The following KIRREL3 variants were observed in gnomAD, a reference collection of about 807,000 sequenced individuals.
KIRREL3 encodes kin of IRRE-like protein 3.
A neutral mutation model predicts 89.7 loss-of-function variants in KIRREL3; 36 were observed. The observed-to-expected ratio is 0.40, with a 90% CI of 0.31 to 0.53. KIRREL3 has a LOEUF of 0.53. Ranked by LOEUF, KIRREL3 falls within the 20% of genes least tolerant of loss-of-function variation. The pLI is 0.49. For missense variants in KIRREL3, 864 were observed against 1,056.6 expected (o/e 0.82, Z 2.53); for synonymous variants, 445 against 441.4 (o/e 1.01, Z -0.10).
At position 126,976,780 on chromosome 11, in the gene KIRREL3, T is replaced by C. The variant is rs1591412097; in HGVS notation, c.55+23675A>G. On this transcript the variant is annotated intron_variant, in intron 1 of 16. Transcript: ENST00000525144. The surrounding 1 kb of genome is among the most constrained non-coding windows in gnomAD (Gnocchi z 4.2). Reference sequence around the variant, plus strand: ...CATACATACTCTTGATATGTCTACATCATAGAAGGGTAAAGGAGAGGGGAG... The same window carrying C: ...CATACATACTCTTGATATGTCTACACCATAGAAGGGTAAAGGAGAGGGGAG... Among the ~76,000 whole-genome samples the C allele has an allele frequency of 6.6e-6, 1 of 152,168 alleles. No individual in the cohort carries two copies. Among genetic ancestry groups the C allele is most frequent in the Non-Finnish European group, 1.5e-5 (1 of 68,036 alleles).
intron 1 of KIRREL3, among the ~76,000 whole-genome samples, chr11:126,572,676 C>T (rs1315646755): frequency 6.6e-6 from 1 of 152,108 alleles, no homozygotes; most frequent in Non-Finnish European, 1.5e-5. Flanking sequence ...CCTGGAGAGC[C>T]CCTTTCTCAG....
intron 1 of KIRREL3, among the ~76,000 whole-genome samples, chr11:126,914,779 G>T (rs578026460): frequency 6.6e-6 from 1 of 152,226 alleles, no homozygotes; most frequent in Non-Finnish European, 1.5e-5. Flanking sequence ...ATTATGCAGA[G>T]CAAGTAACAC....
chr11:126,613,497 C>A (rs989920936), intron 1 of KIRREL3, among the ~76,000 whole-genome samples: 4 of 152,124 alleles, frequency 2.6e-5, no homozygotes, highest in Non-Finnish European at 1.5e-5. Context: ...GCAATTACCT[C>A]CCCCTGCTTG....
In KIRREL3 at chr11:126,431,168, A is replaced by G. The variant is rs948063622; in HGVS notation, c.1696+251T>C. The stretch of plus-strand genomic sequence containing the variant: ...CTGAAAGAGCTATGTGTTCAATCCA[A>G]AATGCTGGCTGCCCTGCAGATGAAG... On this transcript the variant is annotated intron_variant, in intron 14 of 16. Coordinates refer to ENST00000525144, the MANE Select transcript of KIRREL3 (RefSeq NM_032531.4). The surrounding 1 kb of genome is among the most constrained non-coding windows in gnomAD (Gnocchi z 7.1). The G allele has an allele frequency of 2.4e-5, 35 of 1,449,406 alleles. No individual in the cohort carries two copies. Among genetic ancestry groups the G allele is most frequent in the Non-Finnish European group, 3.1e-5 (34 of 1,102,332 alleles). The allele number at this position is 1,449,406 out of a possible 1,614,324, so 89.8% of individuals were successfully genotyped here. A position where few individuals can be genotyped will look rare whatever the true frequency, so the allele number is the denominator to read the frequency against.
In KIRREL3 at chr11:126,677,819, G is replaced by A. The variant is rs1946266322; in HGVS notation, c.56-114907C>T. On this transcript the variant is annotated intron_variant, in intron 1 of 16. Coordinates refer to ENST00000525144, the MANE Select transcript of KIRREL3 (RefSeq NM_032531.4). The surrounding 1 kb of genome is among the most constrained non-coding windows in gnomAD (Gnocchi z 5.1). ...CCTCCCCCTTTTACTGCATCTCCAC[G>A]AGGCAGAGGAAGTGGCAGTGGCCTG... 1.3e-5 allele frequency among the ~76,000 whole-genome samples: 2 copies of A among 152,114 alleles called. No individual in the cohort carries two copies. Among genetic ancestry groups the A allele is most frequent in the African/African-American group, 2.4e-5 (1 of 41,402 alleles).
At chr11:126,737,340 C>T (rs7935669) in intron 1 of KIRREL3, among the ~76,000 whole-genome samples, 10 of 151,730 alleles carry the variant, frequency 6.6e-5, no homozygotes, top group Non-Finnish European at 1.3e-4. Context: ...AGCACAGAGA[C>T]GGCACAAGGC....
intron 1 of KIRREL3, among the ~76,000 whole-genome samples, chr11:126,702,397 T>A (rs1391556328): frequency 6.6e-6 from 1 of 152,188 alleles, no homozygotes; most frequent in Admixed American, 6.5e-5. Context: ...AAATGTCACA[T>A]CTTCATGTGG....
At position 126,570,152 on chromosome 11, in the gene KIRREL3, C is replaced by T. The variant is rs894033863; in HGVS notation, c.56-7240G>A. 6.6e-6 allele frequency among the ~76,000 whole-genome samples: 1 copy of T among 152,086 alleles called. No individual in the cohort carries two copies. ...TAAATGTTTAATTAGCCCAATAATACCTGTTTTATAATTTTTGGATCTCAT... is the reference window on the plus strand; with the variant it reads ...TAAATGTTTAATTAGCCCAATAATATCTGTTTTATAATTTTTGGATCTCAT... On this transcript the variant is annotated intron_variant, in intron 1 of 16. Coordinates refer to ENST00000525144, the MANE Select transcript of KIRREL3 (RefSeq NM_032531.4). The surrounding 1 kb of genome is among the most constrained non-coding windows in gnomAD (Gnocchi z 6.1).
At position 126,814,324 on chromosome 11, in the gene KIRREL3, A is replaced by G. The variant is rs1176361382; in HGVS notation, c.55+186131T>C. ...TTTTACACTGTTGGTGGGAGTGTAAATTAGTTCAACCATTGTGTAAATTAG... is the reference window on the plus strand; with the variant it reads ...TTTTACACTGTTGGTGGGAGTGTAAGTTAGTTCAACCATTGTGTAAATTAG... On this transcript the variant is annotated intron_variant, in intron 1 of 16. Coordinates refer to ENST00000525144, the MANE Select transcript of KIRREL3 (RefSeq NM_032531.4). The surrounding 1 kb of genome is among the most constrained non-coding windows in gnomAD (Gnocchi z 4.4). 6.6e-6 allele frequency among the ~76,000 whole-genome samples: 1 copy of G among 152,044 alleles called. No individual in the cohort carries two copies. The highest frequency in any genetic ancestry group is 2.4e-5 in the African/African-American group (1 of 41,438).
intron 1 of KIRREL3, among the ~76,000 whole-genome samples, chr11:126,617,327 G>T (rs1943393965): frequency 6.6e-6 from 1 of 152,238 alleles, no homozygotes; most frequent in African/African-American, 2.4e-5. Flanking sequence ...ACTCTGAGGG[G>T]CAGGAGGAGA....
Position 126,780,623 on chromosome 11 carries a change from C to T in KIRREL3, c.56-217711G>A, listed in dbSNP as rs1304903097. On this transcript the variant is annotated intron_variant, in intron 1 of 16. Coordinates refer to ENST00000525144, the MANE Select transcript of KIRREL3 (RefSeq NM_032531.4). This position sits in a 1 kb window ranked among gnomAD's most constrained non-coding sequence, Gnocchi z 5.3. ...TGTCCCATGCAAAGGTAAACGAGTA[C>T]CCAGAGGTGCCCAGATGCCCACATC... Among the ~76,000 whole-genome samples the T allele has an allele frequency of 6.6e-6, 1 of 152,164 alleles. No individual in the cohort carries two copies. Among genetic ancestry groups the T allele is most frequent in the Non-Finnish European group, 1.5e-5 (1 of 68,030 alleles).
Position 126,639,424 on chromosome 11 carries a change from AT to A in KIRREL3, c.56-76513del. 6.6e-6 allele frequency among the ~76,000 whole-genome samples: 1 copy of A among 152,232 alleles called. No individual in the cohort carries two copies. The highest frequency in any genetic ancestry group is 2.4e-5 in the African/African-American group (1 of 41,544). On this transcript the variant is annotated intron_variant, in intron 1 of 16. Transcript: ENST00000525144. This position sits in a 1 kb window ranked among gnomAD's most constrained non-coding sequence, Gnocchi z 4.3. ...CCTCATTTAAAAGTTGTTTGTATAT[AT>A]TTTTTAATGGAACCCAATCCCTTAA... is the stretch of plus-strand genomic sequence containing the variant.
chr11:126,674,359 A>T (rs1946092929), intron 1 of KIRREL3, among the ~76,000 whole-genome samples: 1 of 152,224 alleles, frequency 6.6e-6, no homozygotes, highest in African/African-American at 2.4e-5. Flanking sequence ...TATGTGCCAG[A>T]CCTTGTTCTC....
chr11:126,942,672 C>T (rs980279447), intron 1 of KIRREL3, among the ~76,000 whole-genome samples: 31 of 152,294 alleles, frequency 2.0e-4, no homozygotes, highest in African/African-American at 7.0e-4. Flanking sequence ...TTTAATGAAC[C>T]AAGTCCTTCA....
intron 1 of KIRREL3, among the ~76,000 whole-genome samples, chr11:126,864,665 T>C (rs1189070593): frequency 6.6e-6 from 1 of 152,236 alleles, no homozygotes; most frequent in Non-Finnish European, 1.5e-5. Context: ...AATTGCACTA[T>C]GTGCTTCACA....
chr11:126,923,348 CT>C (rs1418488226), intron 1 of KIRREL3, among the ~76,000 whole-genome samples: 4 of 124,048 alleles, frequency 3.2e-5, no homozygotes, highest in African/African-American at 1.3e-4. Context: ...CCTTCTCCTT[CT>C]TCCTTCTCCT....
intron 4 of KIRREL3, among the ~76,000 whole-genome samples, chr11:126,479,260 A>G (rs1044070134): frequency 2.0e-5 from 3 of 152,158 alleles, no homozygotes; most frequent in Non-Finnish European, 4.4e-5. Context: ...CTCCATCCCC[A>G]GGTTCCCCGC....
rs377527701 is a variant in KIRREL3 at position 126,946,267 on chromosome 11, G to A, written c.55+54188C>T. ...AATGAGTGGTCATGCCCCAGACTGC[G>A]GCCTCCAGACTCTGCTACTAGCCAG... On this transcript the variant is annotated intron_variant, in intron 1 of 16. Transcript: ENST00000525144. This position sits in a 1 kb window ranked among gnomAD's most constrained non-coding sequence, Gnocchi z 4.1. Among the ~76,000 whole-genome samples the A allele has an allele frequency of 9.9e-5, 15 of 152,230 alleles. No individual in the cohort carries two copies. Among genetic ancestry groups the A allele is most frequent in the African/African-American group, 2.6e-4 (11 of 41,548 alleles).
At chr11:126,839,067 T>C (rs1367508838) in intron 1 of KIRREL3, among the ~76,000 whole-genome samples, 2 of 152,180 alleles carry the variant, frequency 1.3e-5, no homozygotes, top group African/African-American at 4.8e-5. Context: ...GTGAAGAGTA[T>C]GTCAAGCCTC....
Sources: gnomAD v4.1 joint callset for allele counts (sites outside exome capture counted in the v4.1 genomes callset) on GRCh38, gnomAD v4.1.1 for gene constraint, Gnocchi (gnomAD v3.1) non-coding constraint, MANE v1.5 for transcripts, NCBI Gene and HGNC (gene_info 2026-07-23, HGNC 2026-07-21) for gene names.